ZNF578: variants seen among roughly 807,000 people sequenced by gnomAD.
ZNF578 encodes the protein zinc finger protein 578, also known as Putative chemokine-related protein B42.
ZNF578 carries 8 observed loss-of-function variants against 8.3 expected under a neutral mutation model. The observed-to-expected ratio is 0.96, with a 90% confidence interval of 0.56 to 1.74. The LOEUF (loss-of-function observed/expected upper bound fraction) is 1.74, where lower values mean the gene tolerates loss of function less well. ZNF578 is among the 40% of genes most tolerant of loss of function. ZNF578 has a pLI of 0.00. For missense variants in ZNF578, 726 were observed against 707.5 expected (o/e 1.03, Z -0.30); for synonymous variants, 206 against 232.2 (o/e 0.89, Z 1.03).
In ZNF578 at chr19:52,515,301, T is replaced by G. The variant is rs2059469189; in HGVS notation, c.*3147T>G. ...TTGATTGAAATAATTTGCTTATTTC[T>G]TAGTTCTACAGCTGACCCTCTTTCA... On this transcript the variant is annotated 3_prime_UTR_variant, in exon 6 of 6. Transcript: ENST00000421239. Among the ~76,000 whole-genome samples, 1 of 152,172 alleles carries G rather than the reference T, an allele frequency of 6.6e-6. No individual in the cohort carries two copies. Among genetic ancestry groups the G allele is most frequent in the South Asian group, 2.1e-4 (1 of 4,824 alleles).
intron 3 of ZNF578, among the ~76,000 whole-genome samples, chr19:52,493,383 T>C (rs1410031596): frequency 6.6e-5 from 10 of 152,172 alleles, no homozygotes; most frequent in Non-Finnish European, 1.0e-4. Flanking sequence ...TGAACCAGCA[T>C]TGGGCAGGTC....
intron 5 of ZNF578, among the ~76,000 whole-genome samples, chr19:52,506,644 A>G (rs1336538374): frequency 6.6e-6 from 1 of 151,632 alleles, no homozygotes; most frequent in Non-Finnish European, 1.5e-5. Flanking sequence ...ACTTGTTTGT[A>G]TTTTTTTAGT....
chr19:52,512,294 G>T lies in ZNF578; in HGVS notation c.*140G>T. 4 of 1,564,536 alleles carry T rather than the reference G, an allele frequency of 2.6e-6. No homozygotes were observed. ...TAATGAGTGTGGCAAAGCCTTTAGT[G>T]ACCAGTCAACACTTACCATCAGGCC... On this transcript the variant is annotated 3_prime_UTR_variant, in exon 6 of 6. Coordinates refer to ENST00000421239, the MANE Select transcript of ZNF578 (RefSeq NM_001099694.2).
intron 2 of ZNF578, among the ~76,000 whole-genome samples, chr19:52,476,107 T>TAAA (rs35835289): frequency 4.5e-4 from 62 of 138,520 alleles, no homozygotes; most frequent in East Asian, 1.6e-3. Flanking sequence ...AAGGGTATAG[T>TAAA]AAAAAAAAAA....
At chr19:52,480,070 C>T (rs573834374) in intron 2 of ZNF578, among the ~76,000 whole-genome samples, 8 of 152,206 alleles carry the variant, frequency 5.3e-5, no homozygotes, top group Non-Finnish European at 7.4e-5. Flanking sequence ...CCACCATGCC[C>T]GGCAAATTTT....
intron 5 of ZNF578, among the ~76,000 whole-genome samples, chr19:52,507,672 G>A (rs1213907439): frequency 6.6e-6 from 1 of 152,210 alleles, no homozygotes. Context: ...CTTCTTCGTG[G>A]TTTAGCCCAG....
At chr19:52,476,327 C>T (rs8182563) in intron 2 of ZNF578, among the ~76,000 whole-genome samples, 6,930 of 152,190 alleles carry the variant, frequency 0.046, 440 homozygotes, top group East Asian at 0.33. Flanking sequence ...TCCAATTGCT[C>T]TTTTACTAGC....
chr19:52,508,644 A>C (rs1257478029), intron 5 of ZNF578, among the ~76,000 whole-genome samples: 1 of 151,378 alleles, frequency 6.6e-6, no homozygotes, highest in African/African-American at 2.4e-5. Context: ...TAAAAATACA[A>C]AATTATCGAG....
At chr19:52,472,188 C>T (rs568118203) in intron 2 of ZNF578, among the ~76,000 whole-genome samples, 5 of 152,236 alleles carry the variant, frequency 3.3e-5, no homozygotes, top group Non-Finnish European at 2.9e-5. Flanking sequence ...GCCATGAGTT[C>T]GAGACCAGCC....
intron 2 of ZNF578, chr19:52,458,483 T>TATATATATATATATATATATATA (rs1555751157): frequency 8.3e-5 from 12 of 144,846 alleles, no homozygotes; most frequent in African/African-American, 2.9e-4. Context: ...TATATATATA[T>TATATATATATATATATATATATA]TTTGAAAATC....
chr19:52,498,684 C>CTTTTTTTTTTT (rs72019256), intron 3 of ZNF578, among the ~76,000 whole-genome samples: 15,008 of 106,152 alleles, frequency 0.14, 2,124 homozygotes, highest in Non-Finnish European at 0.18. Flanking sequence ...CGCCTGGCCG[C>CTTTTTTTTTTT]TTTTTTTTTT....
In ZNF578 at chr19:52,511,806, AATT is replaced by A. The variant is rs761558364; in HGVS notation, c.1426_1428del (p.Ile476del). The A allele has an allele frequency of 6.2e-7, 1 of 1,613,844 alleles. No individual in the cohort carries two copies. The highest frequency in any genetic ancestry group is 8.5e-7 in the Non-Finnish European group (1 of 1,179,886). Reference sequence around the variant, plus strand: ...AATCAAACCTTGAGAGACACAAGATAATTCATACTGGAGAGAAACCTTACAAGT... The same window carrying A: ...AATCAAACCTTGAGAGACACAAGATACATACTGGAGAGAAACCTTACAAGT... On this transcript the variant is annotated inframe_deletion, in exon 6 of 6. Transcript: ENST00000421239.
chr19:52,485,227 C>T (rs2059340751), intron 2 of ZNF578, among the ~76,000 whole-genome samples: 1 of 152,276 alleles, frequency 6.6e-6, no homozygotes, highest in African/African-American at 2.4e-5. Flanking sequence ...TTGTCATCCA[C>T]TCTGGATCCT....
intron 3 of ZNF578, among the ~76,000 whole-genome samples, chr19:52,501,522 C>G (rs953662379): frequency 6.6e-6 from 1 of 152,166 alleles, no homozygotes; most frequent in Non-Finnish European, 1.5e-5. Context: ...AGGGGCTGTC[C>G]TCTGGATGCG....
chr19:52,489,215 G>A (rs1443802018), intron 2 of ZNF578, among the ~76,000 whole-genome samples: 2 of 151,928 alleles, frequency 1.3e-5, no homozygotes, highest in Non-Finnish European at 2.9e-5. Context: ...CCACAATAGT[G>A]CAGCCTGAGT....
At chr19:52,503,013 C>T (rs1278463060) in intron 4 of ZNF578, among the ~76,000 whole-genome samples, 1 of 152,138 alleles carries the variant, frequency 6.6e-6, no homozygotes, top group South Asian at 2.1e-4. Flanking sequence ...CTGCCTCAGC[C>T]TCCTGAGTTG....
Position 52,499,382 on chromosome 19 carries a change from G to A in ZNF578, c.-19-2445G>A, listed in dbSNP as rs549350573. Among the ~76,000 whole-genome samples the A allele has an allele frequency of 9.9e-5, 15 of 152,202 alleles. No individual in the cohort carries two copies. The South Asian group carries it at 2.5e-3, about 25-fold the overall frequency. The stretch of plus-strand genomic sequence containing the variant: ...CTACACGACTCCATGTCCCCTGCAG[G>A]CCTCAACCCTGAGCTCTACAATCCT... On this transcript the variant is annotated intron_variant, in intron 3 of 5. Coordinates refer to ENST00000421239, the MANE Select transcript of ZNF578 (RefSeq NM_001099694.2).
intron 1 of ZNF578, chr19:52,456,189 T>C (rs576404644): frequency 1.4e-4 from 22 of 152,360 alleles, no homozygotes; most frequent in African/African-American, 5.1e-4. Flanking sequence ...CTCTGGCCCA[T>C]ATTGCCTCCC....
intron 2 of ZNF578, among the ~76,000 whole-genome samples, chr19:52,469,627 T>C (rs1227541167): frequency 6.6e-6 from 1 of 152,188 alleles, no homozygotes; most frequent in East Asian, 1.9e-4. Flanking sequence ...GCAAAATAAA[T>C]GTATTTGATA....
Sources: allele counts gnomAD v4.1 joint callset (sites outside exome capture counted in the v4.1 genomes callset), GRCh38; gene constraint gnomAD v4.1.1; transcripts MANE v1.5; gene names NCBI Gene and HGNC (gene_info 2026-07-23, HGNC 2026-07-21).